Variants in LAMA2 observed in about 807,000 individuals in gnomAD.
LAMA2 encodes laminin subunit alpha 2.
LAMA2 carries 269 observed loss-of-function variants against 364.8 expected under a neutral mutation model. The observed-to-expected ratio is 0.74, with a 90% CI of 0.67 to 0.82. The LOEUF is 0.82. Among genes scored for constraint, LAMA2 ranks in the 40% least tolerant of loss-of-function variants. The pLI is 0.00. For missense variants in LAMA2, 3,807 were observed against 3,873.2 expected (o/e 0.98, Z 0.45); for synonymous variants, 1,379 against 1,370.6 (o/e 1.01, Z -0.14).
intron 1 of LAMA2, among the ~76,000 whole-genome samples, chr6:128,947,996 T>G (rs1423664706): frequency 6.6e-6 from 1 of 151,944 alleles, no homozygotes; most frequent in Non-Finnish European, 1.5e-5. Context: ...CTTTTGAGAC[T>G]ATAAGAAAGG....
chr6:128,933,846 G>C (rs183791899), intron 1 of LAMA2, among the ~76,000 whole-genome samples: 39 of 152,166 alleles, frequency 2.6e-4, no homozygotes, highest in African/African-American at 9.2e-4. Flanking sequence ...ATTAACTCCT[G>C]ATCATATATA....
intron 37 of LAMA2, among the ~76,000 whole-genome samples, chr6:129,395,074 T>A (rs889288358): frequency 6.6e-6 from 1 of 152,200 alleles, no homozygotes; most frequent in Non-Finnish European, 1.5e-5. Context: ...ATGGGGTGTT[T>A]GTTAAGCCAA....
At chr6:128,943,340 G>C (rs896613886) in intron 1 of LAMA2, among the ~76,000 whole-genome samples, 2 of 151,592 alleles carry the variant, frequency 1.3e-5, no homozygotes, top group African/African-American at 4.9e-5. Flanking sequence ...CTGGGGTGCT[G>C]TGGTGCAATT....
At chr6:129,009,582 G>A (rs142263000) in intron 1 of LAMA2, among the ~76,000 whole-genome samples, 127 of 152,276 alleles carry the variant, frequency 8.3e-4, no homozygotes, top group Non-Finnish European at 1.4e-3. Flanking sequence ...AAAGACAGAT[G>A]CAGTTAGAAG....
chr6:129,018,752 C>G (rs1562923938), intron 1 of LAMA2, among the ~76,000 whole-genome samples: 1 of 152,022 alleles, frequency 6.6e-6, no homozygotes, highest in Non-Finnish European at 1.5e-5. Context: ...ATCTTCAGTG[C>G]TTATCCTTCT....
intron 1 of LAMA2, among the ~76,000 whole-genome samples, chr6:128,921,705 T>TTTTA (rs766013799): frequency 0.068 from 8,614 of 126,428 alleles, 801 homozygotes; most frequent in African/African-American, 0.22. Context: ...CTGTTTTTTT[T>TTTTA]TTTTTTTTAT....
Position 129,514,402 on chromosome 6 carries a change from C to T in LAMA2, c.9018C>T (p.Gly3006=), listed in dbSNP as rs1281143025. The T allele has an allele frequency of 1.5e-5, 24 of 1,613,658 alleles. No homozygotes were observed. The East Asian group carries it at 1.8e-4, about 12-fold the overall frequency. Residue 3006 remains glycine, a synonymous_variant, in exon 64 of 65, where the codon GGC becomes GGT. Transcript: ENST00000421865. The part of the protein sequence containing the change: ...KLMFHVDNGA[G]RFTAVYDAGV... The stretch of plus-strand genomic sequence containing the variant: ...TGTTTCATGTGGACAATGGTGCGGG[C>T]AGATTCACTGCTGTCTATGATGCTG...
chr6:129,367,107 A>G (rs1382069031), intron 33 of LAMA2, among the ~76,000 whole-genome samples: 1 of 152,234 alleles, frequency 6.6e-6, no homozygotes, highest in Non-Finnish European at 1.5e-5. Flanking sequence ...TAGACCTTTA[A>G]AAGTTCTTCA....
intron 1 of LAMA2, among the ~76,000 whole-genome samples, chr6:128,973,202 A>G (rs928958155): frequency 6.6e-6 from 1 of 152,182 alleles, no homozygotes; most frequent in Non-Finnish European, 1.5e-5. Flanking sequence ...CAGACCTCTT[A>G]ATAGCTTGGC....
intron 30 of LAMA2, among the ~76,000 whole-genome samples, chr6:129,346,023 A>T (rs1247724336): frequency 6.6e-6 from 1 of 152,210 alleles, no homozygotes; most frequent in Non-Finnish European, 1.5e-5. Flanking sequence ...AGTGAGAAAT[A>T]TGGAGGCATG....
At chr6:129,197,309 C>T (rs187647807) in intron 12 of LAMA2, among the ~76,000 whole-genome samples, 2 of 152,302 alleles carry the variant, frequency 1.3e-5, no homozygotes, top group South Asian at 2.1e-4. Flanking sequence ...CATTCACCAT[C>T]AGCCTGCTAC....
chr6:129,184,671 C>T (rs757341158), intron 10 of LAMA2, among the ~76,000 whole-genome samples: 16 of 151,814 alleles, frequency 1.1e-4, no homozygotes, highest in Non-Finnish European at 1.9e-4. Flanking sequence ...GATCCTTGCT[C>T]GTGGCTATAA....
intron 4 of LAMA2, among the ~76,000 whole-genome samples, chr6:129,100,068 GA>G (rs1775431985): frequency 6.6e-6 from 1 of 152,168 alleles, no homozygotes; most frequent in Non-Finnish European, 1.5e-5. Flanking sequence ...ATTCAATTCA[GA>G]AATTTATTAA....
intron 30 of LAMA2, among the ~76,000 whole-genome samples, chr6:129,342,833 G>A (rs987834938): frequency 6.6e-6 from 1 of 152,006 alleles, no homozygotes; most frequent in Non-Finnish European, 1.5e-5. Context: ...TTGTTCGGGT[G>A]CATATTATAT....
At chr6:128,920,377 C>T (rs1453960336) in intron 1 of LAMA2, among the ~76,000 whole-genome samples, 5 of 151,930 alleles carry the variant, frequency 3.3e-5, no homozygotes, top group African/African-American at 4.8e-5. Flanking sequence ...ATGTTGGTCT[C>T]GATCTCTCGA....
intron 4 of LAMA2, among the ~76,000 whole-genome samples, chr6:129,116,669 A>G (rs1459290326): frequency 6.6e-6 from 1 of 152,162 alleles, no homozygotes; most frequent in African/African-American, 2.4e-5. Context: ...ACAGTTTCAG[A>G]GAAACAATTT....
intron 1 of LAMA2, among the ~76,000 whole-genome samples, chr6:128,953,617 GTGT>G (rs552694273): frequency 6.6e-6 from 1 of 151,730 alleles, no homozygotes; most frequent in African/African-American, 2.4e-5. Context: ...GTGTGTGTGT[GTGT>G]GTGTGAATGT....
At chr6:129,415,399 T>A (rs567830725) in intron 40 of LAMA2, among the ~76,000 whole-genome samples, 1 of 152,168 alleles carries the variant, frequency 6.6e-6, no homozygotes, top group Non-Finnish European at 1.5e-5. Flanking sequence ...TTATTCCTTT[T>A]TATTTTCACA....
At chr6:129,066,047 T>TTTTTTTTTTTTTTTTTTC (rs71028144) in intron 3 of LAMA2, among the ~76,000 whole-genome samples, 3 of 81,938 alleles carry the variant, frequency 3.7e-5, no homozygotes, top group Non-Finnish European at 7.4e-5. Context: ...GGTTTTTTTT[T>TTTTTTTTTTTTTTTTTTC]TTTTTTTTTT....
Sources: gnomAD v4.1 joint callset for allele counts (sites outside exome capture counted in the v4.1 genomes callset) on GRCh38, gnomAD v4.1.1 for gene constraint, MANE v1.5 for transcripts, NCBI Gene and HGNC (gene_info 2026-07-23, HGNC 2026-07-21) for gene names.